The following ALDH1L1 variants were observed in gnomAD, a reference collection of about 807,000 sequenced individuals.
ALDH1L1 encodes the protein aldehyde dehydrogenase 1 family member L1, also known as cytosolic 10-formyltetrahydrofolate dehydrogenase.
ALDH1L1 carries 68 observed loss-of-function variants against 101.1 expected under a neutral mutation model. The observed-to-expected ratio is 0.67, with a 90% confidence interval of 0.55 to 0.82. The LOEUF (loss-of-function observed/expected upper bound fraction) is 0.82. Among genes scored for constraint, ALDH1L1 ranks in the 40% least tolerant of loss-of-function variants. The pLI, the probability that ALDH1L1 is intolerant of heterozygous loss-of-function variation, is 0.00. For synonymous variants in ALDH1L1, 486 were observed against 470.8 expected (o/e 1.03, Z -0.42); for missense variants, 1,087 against 1,172.7 (o/e 0.93, Z 1.07).
At chr3:126,155,535 C>CT (rs2080888230) in intron 4 of ALDH1L1, 32 bp from the exon 5 acceptor site, 1 of 1,583,204 alleles carries the variant, frequency 6.3e-7, no homozygotes, top group Non-Finnish European at 8.6e-7. Flanking sequence ...CTATCCCCAG[C>CT]AATAGGACCC....
At chr3:126,157,265 G>C (rs1210906960) in intron 4 of ALDH1L1, 78 bp downstream of exon 4, 6 of 1,485,484 alleles carry the variant, frequency 4.0e-6, no homozygotes, top group Non-Finnish European at 5.4e-6. Flanking sequence ...TGGCCTCCAG[G>C]AGCGGTGGGC....
intron 1 of ALDH1L1, among the ~76,000 whole-genome samples, chr3:126,168,382 T>C (rs2081208529): frequency 6.6e-6 from 1 of 152,152 alleles, no homozygotes; most frequent in Non-Finnish European, 1.5e-5. Context: ...TAAAATTATC[T>C]ATAAGGTTTC....
intron 16 of ALDH1L1, 129 bp from the exon 17 acceptor site, chr3:126,118,227 C>T: frequency 1.4e-6 from 1 of 721,176 alleles, no homozygotes; most frequent in Admixed American, 2.1e-5. Flanking sequence ...ATGCTTGATC[C>T]CCATGGTGCC....
In ALDH1L1 at chr3:126,131,256, GTCA is replaced by G. The variant is rs1170958585; in HGVS notation, c.1623+125_1623+127del. ...CAGGACCACAAGCTAATAAACAGGT[GTCA>G]TTCCAAGCCACCAGTTGTGGTCATT... On this transcript the variant is annotated intron_variant, in intron 13 of 22. Coordinates refer to ENST00000393434, the MANE Select transcript of ALDH1L1 (RefSeq NM_012190.4). 116 of 1,220,950 alleles carry G rather than the reference GTCA, an allele frequency of 9.5e-5. 1 individual carries two copies. Among genetic ancestry groups the G allele is most frequent in the Non-Finnish European group, 1.3e-4 (115 of 894,194 alleles). 75.6% of individuals were successfully genotyped at this position (1,220,950 alleles called of 1,614,324 possible).
chr3:126,175,390 C>T (rs1004214194), intron 1 of ALDH1L1, among the ~76,000 whole-genome samples: 2 of 151,968 alleles, frequency 1.3e-5, no homozygotes, highest in African/African-American at 4.8e-5. Flanking sequence ...TACCCTGGTA[C>T]CAAAACCAGA....
intron 1 of ALDH1L1, among the ~76,000 whole-genome samples, chr3:126,172,941 G>C (rs1474023564): frequency 6.7e-6 from 1 of 149,544 alleles, no homozygotes. Flanking sequence ...GAATAGAATA[G>C]AAAGAATTAT....
At chr3:126,143,721 T>C (rs368130250) in intron 9 of ALDH1L1, among the ~76,000 whole-genome samples, 6 of 152,168 alleles carry the variant, frequency 3.9e-5, no homozygotes, top group Non-Finnish European at 7.3e-5. Flanking sequence ...TGTGGGAGGA[T>C]CACTTGAGCC....
Position 126,157,467 on chromosome 3 carries a change from A to G in ALDH1L1, c.404T>C (p.Phe135Ser), listed in dbSNP as rs1226635676. Residue 135 changes from phenylalanine (F) to serine (S), a missense_variant, in exon 4 of 23, where the codon TTC becomes TCC. Physicochemically the swap from Phe to Ser is radical, Grantham distance 155. Coordinates refer to ENST00000393434, the MANE Select transcript of ALDH1L1 (RefSeq NM_012190.4). ...HGDKKGGFSI[F>S]WADDGLDTGD... ...GGTGTCCAGACCATCATCCGCCCAGAAGATGGAAAACCCCCCTTTCTTATC... is the reference window on the plus strand; with the variant it reads ...GGTGTCCAGACCATCATCCGCCCAGGAGATGGAAAACCCCCCTTTCTTATC... 6.2e-7 allele frequency: 1 copy of G among 1,613,896 alleles called. No individual in the cohort carries two copies. Among genetic ancestry groups the G allele is most frequent in the Non-Finnish European group, 8.5e-7 (1 of 1,180,000 alleles).
At chr3:126,179,498 T>TCAAA (rs74555685) in intron 1 of ALDH1L1, among the ~76,000 whole-genome samples, 4,212 of 151,724 alleles carry the variant, frequency 0.028, 172 homozygotes, top group African/African-American at 0.093. Context: ...AGACTCTGTC[T>TCAAA]CAAACAAACA....
chr3:126,189,139 T>G (rs1417403433), intron 1 of ALDH1L1, among the ~76,000 whole-genome samples: 4 of 152,132 alleles, frequency 2.6e-5, no homozygotes, highest in Admixed American at 2.6e-4. Flanking sequence ...AAATAGGCAA[T>G]TGCATTAGGT....
chr3:126,178,483 C>T (rs1401366015), intron 1 of ALDH1L1, among the ~76,000 whole-genome samples: 1 of 151,462 alleles, frequency 6.6e-6, no homozygotes, highest in Non-Finnish European at 1.5e-5. Context: ...GGGAACTCTG[C>T]ACTCCGTCCT....
chr3:126,132,600 T>C (rs2080336640), intron 12 of ALDH1L1, among the ~76,000 whole-genome samples: 1 of 152,168 alleles, frequency 6.6e-6, no homozygotes, highest in Non-Finnish European at 1.5e-5. Context: ...GGGCCCCCTT[T>C]CCACACTCCT....
chr3:126,111,834 G>C (rs547038201), intron 19 of ALDH1L1, among the ~76,000 whole-genome samples: 1 of 152,228 alleles, frequency 6.6e-6, no homozygotes, highest in Non-Finnish European at 1.5e-5. Flanking sequence ...TAGGGGCGGT[G>C]GGGGGCGGTG....
intron 19 of ALDH1L1, among the ~76,000 whole-genome samples, chr3:126,111,595 C>G (rs778483969): frequency 6.6e-6 from 1 of 152,218 alleles, no homozygotes; most frequent in Non-Finnish European, 1.5e-5. Flanking sequence ...TGTTCTAGCC[C>G]GTCCTAGAAA....
rs1418857465 is a variant in ALDH1L1, at chr3:126,150,405, C to T, written c.984+1G>A. On this transcript the variant is annotated splice_donor_variant, in intron 8 of 22. Coordinates refer to ENST00000393434, the MANE Select transcript of ALDH1L1 (RefSeq NM_012190.4). LOFTEE classifies it high-confidence loss of function. ...ATGGCAGCCCTGAAGTTGCCTCTTA[C>T]CCGCACAGCCTCCGCAGTAACCAGC... 3 of 1,550,780 alleles carry T rather than the reference C, an allele frequency of 1.9e-6. No individual in the cohort carries two copies. In the African/African-American group the frequency reaches 4.1e-5, roughly 21 times the overall value.
At chr3:126,109,807 G>A in intron 20 of ALDH1L1, 137 bp downstream of exon 20, 2 of 1,263,998 alleles carry the variant, frequency 1.6e-6, no homozygotes, top group Non-Finnish European at 2.2e-6. Context: ...GTCCATCCCA[G>A]GTCCCAGATG....
chr3:126,107,558 CAA>C (rs1424637550), intron 20 of ALDH1L1, among the ~76,000 whole-genome samples: 1 of 152,270 alleles, frequency 6.6e-6, no homozygotes, highest in Admixed American at 6.5e-5. Flanking sequence ...ATGGCCGAAG[CAA>C]AGACTTGAGC....
upstream of ALDH1L1, among the ~76,000 whole-genome samples, chr3:126,185,566 G>A (rs1435908746): frequency 1.3e-5 from 2 of 148,526 alleles, no homozygotes; most frequent in Non-Finnish European, 2.9e-5. Context: ...TGGAGAGAAT[G>A]TAAGAATGAT....
At chr3:126,176,290 A>G (rs1279271303) in intron 1 of ALDH1L1, among the ~76,000 whole-genome samples, 1 of 152,194 alleles carries the variant, frequency 6.6e-6, no homozygotes, top group Non-Finnish European at 1.5e-5. Flanking sequence ...TGCAATCCCA[A>G]TCAAAACCCC....
Sources: allele counts gnomAD v4.1 joint callset (sites outside exome capture counted in the v4.1 genomes callset), GRCh38; gene constraint gnomAD v4.1.1; transcripts MANE v1.5; gene names NCBI Gene and HGNC (gene_info 2026-07-23, HGNC 2026-07-21).